The following SHISA6 variants were observed in gnomAD, a reference collection of about 807,000 sequenced individuals.
The protein encoded by SHISA6 is protein shisa-6.
A neutral mutation model predicts 47.9 loss-of-function variants in SHISA6; 22 were observed. That is an observed-to-expected ratio of 0.46 (90% CI 0.33 to 0.66). The LOEUF (loss-of-function observed/expected upper bound fraction) is 0.66. SHISA6 is among the 30% of genes least tolerant of loss of function. SHISA6 has a pLI of 0.02. For missense variants in SHISA6, 680 were observed against 764.6 expected, an observed-to-expected ratio of 0.89 and a Z score of 1.30; for synonymous variants, 388 against 337.8, an observed-to-expected ratio of 1.15 and a Z score of -1.63.
intron 3 of SHISA6, among the ~76,000 whole-genome samples, chr17:11,456,039 T>C (rs1466445478): frequency 2.0e-5 from 3 of 152,184 alleles, no homozygotes; most frequent in South Asian, 4.1e-4. Flanking sequence ...AAAATTGTCA[T>C]GGTTAGAAAG....
chr17:11,398,918 C>T (rs2142262399), intron 3 of SHISA6, among the ~76,000 whole-genome samples: 1 of 151,670 alleles, frequency 6.6e-6, no homozygotes, highest in Non-Finnish European at 1.5e-5. Flanking sequence ...CATTCTTGGG[C>T]CTGCTGTTAT....
intron 2 of SHISA6, among the ~76,000 whole-genome samples, chr17:11,280,724 A>G (rs1012214236): frequency 2.0e-5 from 3 of 152,222 alleles, no homozygotes; most frequent in African/African-American, 7.2e-5. Context: ...GGGTTGATTT[A>G]AGGAAAACTA....
At chr17:11,431,651 G>A (rs1013950513) in intron 3 of SHISA6, among the ~76,000 whole-genome samples, 3 of 152,106 alleles carry the variant, frequency 2.0e-5, no homozygotes, top group African/African-American at 7.2e-5. Flanking sequence ...AAACCCCACT[G>A]TAGCGATTGA....
chr17:11,423,255 AAT>A (rs1555534324), intron 3 of SHISA6, among the ~76,000 whole-genome samples: 55 of 144,000 alleles, frequency 3.8e-4, no homozygotes, highest in East Asian at 1.6e-3. Flanking sequence ...ATATATATAT[AAT>A]ATATATATAT....
chr17:11,495,406 A>C (rs1193677999), intron 3 of SHISA6, among the ~76,000 whole-genome samples: 4 of 152,194 alleles, frequency 2.6e-5, no homozygotes, highest in Admixed American at 6.5e-5. Context: ...ACAGAAGCCA[A>C]AAGAACTGGG....
chr17:11,476,513 C>G (rs1916055145), intron 3 of SHISA6, among the ~76,000 whole-genome samples: 1 of 151,860 alleles, frequency 6.6e-6, no homozygotes, highest in Admixed American at 6.6e-5. Flanking sequence ...TCTTTGATTT[C>G]TCTTGAGATT....
intron 3 of SHISA6, among the ~76,000 whole-genome samples, chr17:11,487,406 C>T (rs923476715): frequency 3.3e-5 from 5 of 152,200 alleles, no homozygotes; most frequent in African/African-American, 1.2e-4. Flanking sequence ...TTCACACTAG[C>T]TTGTCATAAC....
intron 3 of SHISA6, among the ~76,000 whole-genome samples, chr17:11,493,664 A>G (rs1173604320): frequency 6.6e-6 from 1 of 152,152 alleles, no homozygotes; most frequent in Admixed American, 6.5e-5. Flanking sequence ...TGCCAGGCCC[A>G]AGGGGTACCG....
At chr17:11,259,642 A>G (rs1567552762) in intron 1 of SHISA6, among the ~76,000 whole-genome samples, 1 of 152,256 alleles carries the variant, frequency 6.6e-6, no homozygotes, top group Non-Finnish European at 1.5e-5. Context: ...AAATTCAGAT[A>G]CACTTTCATT....
intron 3 of SHISA6, among the ~76,000 whole-genome samples, chr17:11,529,913 CAT>C (rs1359376499): frequency 6.6e-6 from 1 of 151,976 alleles, no homozygotes; most frequent in Non-Finnish European, 1.5e-5. Context: ...CCCTATCAAA[CAT>C]AGAGGAAATG....
At chr17:11,435,807 A>G (rs892564744) in intron 3 of SHISA6, among the ~76,000 whole-genome samples, 1 of 152,158 alleles carries the variant, frequency 6.6e-6, no homozygotes, top group African/African-American at 2.4e-5. Context: ...TTGCTCAAAA[A>G]CTGGTGTTAA....
intron 3 of SHISA6, among the ~76,000 whole-genome samples, chr17:11,436,763 C>G (rs1439125818): frequency 1.3e-5 from 2 of 152,194 alleles, no homozygotes; most frequent in Non-Finnish European, 2.9e-5. Context: ...CCATAACTTA[C>G]TTTACTTCGT....
intron 3 of SHISA6, among the ~76,000 whole-genome samples, chr17:11,391,107 G>A (rs759045119): frequency 3.3e-5 from 5 of 152,156 alleles, no homozygotes; most frequent in Non-Finnish European, 7.3e-5. Flanking sequence ...TATTTCAGGT[G>A]GGGGAGCCTC....
In SHISA6 at chr17:11,413,844, G is replaced by A. The variant is rs549615323; in HGVS notation, c.895+34335G>A. Among the ~76,000 whole-genome samples the A allele has an allele frequency of 3.3e-5, 5 of 152,186 alleles. No homozygotes were observed. In the South Asian group the frequency reaches 1.0e-3, roughly 32 times the overall value. ...GTAGCCAGCTCAGCTTTTAAGAGGT[G>A]GAAAAATAGATCCCATCTCCTGATG... is the stretch of plus-strand genomic sequence containing the variant. On this transcript the variant is annotated intron_variant, in intron 3 of 5. Coordinates refer to ENST00000441885, the MANE Select transcript of SHISA6 (RefSeq NM_207386.4).
In SHISA6 at chr17:11,281,703, AT is replaced by A. The variant is rs562946083; in HGVS notation, c.799+18182del. On this transcript the variant is annotated intron_variant, in intron 2 of 5. Transcript: ENST00000441885. ...TTTTTTCTCTCAATTTTGTGGAAGA[AT>A]TTTTATAGAACTTTACCAGTGAAGG... 3.5e-4 allele frequency among the ~76,000 whole-genome samples: 54 copies of A among 152,296 alleles called. 2 individuals carry two copies. In the South Asian group the frequency reaches 0.01, roughly 29 times the overall value.
intron 3 of SHISA6, among the ~76,000 whole-genome samples, chr17:11,533,636 A>G (rs1489164862): frequency 1.7e-5 from 2 of 117,530 alleles, no homozygotes; most frequent in Non-Finnish European, 3.2e-5. Context: ...TCTGTCTCCC[A>G]GCCTGGAGTG....
At chr17:11,508,311 T>C (rs79125982) in intron 3 of SHISA6, among the ~76,000 whole-genome samples, 8,360 of 152,290 alleles carry the variant, frequency 0.055, 270 homozygotes, top group Middle Eastern at 0.099. Flanking sequence ...CAGCATCTGG[T>C]GTCTGGTGAG....
intron 2 of SHISA6, among the ~76,000 whole-genome samples, chr17:11,358,275 A>G (rs961626392): frequency 6.6e-6 from 1 of 152,116 alleles, no homozygotes; most frequent in African/African-American, 2.4e-5. Context: ...CCTCATATAA[A>G]TGGAGCCATA....
At chr17:11,556,436 A>G (rs943958594) in intron 5 of SHISA6, among the ~76,000 whole-genome samples, 3 of 151,898 alleles carry the variant, frequency 2.0e-5, no homozygotes, top group Non-Finnish European at 4.4e-5. Flanking sequence ...GTCTGGGGAG[A>G]CTCTGGGCAT....
Sources: allele counts gnomAD v4.1 joint callset (sites outside exome capture counted in the v4.1 genomes callset), GRCh38; gene constraint gnomAD v4.1.1; transcripts MANE v1.5; gene names NCBI Gene and HGNC (gene_info 2026-07-23, HGNC 2026-07-21).